The following CTNNA3 variants were observed in gnomAD, a reference collection of about 807,000 sequenced individuals.
CTNNA3 encodes catenin alpha-3.
A neutral mutation model predicts 95.7 loss-of-function variants in CTNNA3; 76 were observed. The ratio of observed to expected loss-of-function variants is 0.79; its 90% CI spans 0.66 to 0.96. CTNNA3 has a LOEUF of 0.96. CTNNA3 is among the 40% of genes least tolerant of loss of function. The probability of loss-of-function intolerance (pLI) is 0.00; values close to 1 mark genes in which losing one functional copy is unlikely to be tolerated. For synonymous variants in CTNNA3, 431 were observed against 374.4 expected (o/e 1.15, Z -1.74); for missense variants, 1,191 against 1,089.8 (o/e 1.09, Z -1.31).
At chr10:66,201,355 T>C (rs1167876068) in intron 13 of CTNNA3, among the ~76,000 whole-genome samples, 2 of 152,204 alleles carry the variant, frequency 1.3e-5, no homozygotes, top group Non-Finnish European at 1.5e-5. Flanking sequence ...CCTTTTTCGG[T>C]TGGTGTTAAT....
chr10:67,297,404 T>G (rs1840087032), intron 5 of CTNNA3, among the ~76,000 whole-genome samples: 1 of 152,204 alleles, frequency 6.6e-6, no homozygotes, highest in South Asian at 2.1e-4. Context: ...TATAGGAAAT[T>G]AACAACTAGA....
chr10:66,309,694 A>G (rs2132254589), intron 12 of CTNNA3, among the ~76,000 whole-genome samples: 1 of 148,066 alleles, frequency 6.8e-6, no homozygotes, highest in East Asian at 2.0e-4. Flanking sequence ...TCAAAAAAAA[A>G]AAAAAAAAAA....
At chr10:66,886,207 CATTTTTCAATA>C (rs1845037054) in intron 7 of CTNNA3, among the ~76,000 whole-genome samples, 1 of 152,100 alleles carries the variant, frequency 6.6e-6, no homozygotes, top group South Asian at 2.1e-4. Flanking sequence ...GCTCTGGAAT[CATTTTTCAATA>C]ACCCTGTGAC....
chr10:66,777,805 A>G (rs1281179815), intron 7 of CTNNA3, among the ~76,000 whole-genome samples: 1 of 150,548 alleles, frequency 6.6e-6, no homozygotes, highest in African/African-American at 2.4e-5. Context: ...ACATGCACAC[A>G]CACACACACA....
intron 3 of CTNNA3, among the ~76,000 whole-genome samples, chr10:67,552,651 C>T (rs568901022): frequency 6.6e-6 from 1 of 152,108 alleles, no homozygotes; most frequent in Admixed American, 6.5e-5. Flanking sequence ...ATCAATTATT[C>T]CTGATGCTCT....
At chr10:66,546,837 C>T (rs1451197414) in intron 10 of CTNNA3, among the ~76,000 whole-genome samples, 1 of 152,112 alleles carries the variant, frequency 6.6e-6, no homozygotes, top group African/African-American at 2.4e-5. Flanking sequence ...CACAGCCAAA[C>T]CATAGTCATG....
At chr10:66,633,949 C>T (rs1313284818) in intron 9 of CTNNA3, among the ~76,000 whole-genome samples, 1 of 151,944 alleles carries the variant, frequency 6.6e-6, no homozygotes, top group Non-Finnish European at 1.5e-5. Flanking sequence ...GTATATGGAA[C>T]ACACCAATGA....
intron 5 of CTNNA3, among the ~76,000 whole-genome samples, chr10:67,486,635 T>C (rs1848460099): frequency 6.6e-6 from 1 of 152,098 alleles, no homozygotes; most frequent in South Asian, 2.1e-4. Context: ...TTACAGGAAA[T>C]AATAAGTAAA....
chr10:66,458,362 T>C (rs1165531544), intron 11 of CTNNA3, among the ~76,000 whole-genome samples: 1 of 152,220 alleles, frequency 6.6e-6, no homozygotes, highest in Non-Finnish European at 1.5e-5. Context: ...TTTCATTTAA[T>C]ATAATTTCTT....
chr10:66,457,546 T>G (rs950364492), intron 11 of CTNNA3, among the ~76,000 whole-genome samples: 1 of 151,742 alleles, frequency 6.6e-6, no homozygotes, highest in African/African-American at 2.4e-5. Flanking sequence ...CAGAAAGATA[T>G]GTACATGAAT....
At chr10:66,355,911 G>T (rs1249962805) in intron 12 of CTNNA3, among the ~76,000 whole-genome samples, 2 of 151,540 alleles carry the variant, frequency 1.3e-5, no homozygotes, top group African/African-American at 4.8e-5. Context: ...TGTCTAAATT[G>T]TTCCAGCACC....
intron 5 of CTNNA3, among the ~76,000 whole-genome samples, chr10:67,502,135 C>G (rs1839252548): frequency 1.3e-5 from 2 of 152,210 alleles, no homozygotes; most frequent in South Asian, 4.1e-4. Context: ...ATGCTGGTGA[C>G]CTTCGGATGG....
chr10:66,958,162 C>G (rs1253855392), intron 7 of CTNNA3, among the ~76,000 whole-genome samples: 6 of 151,954 alleles, frequency 3.9e-5, no homozygotes, highest in Admixed American at 3.9e-4. Context: ...TCTCTAGTAT[C>G]ATTTGTGAAT....
chr10:66,305,560 A>G (rs1378312776), intron 12 of CTNNA3, among the ~76,000 whole-genome samples: 1 of 152,182 alleles, frequency 6.6e-6, no homozygotes, highest in Non-Finnish European at 1.5e-5. Flanking sequence ...AAGTAAACAT[A>G]TATGATTTTA....
At chr10:66,895,054 C>CAAAAAAAAAAAAAAAAAAAAAAAAAAAA (rs537843933) in intron 7 of CTNNA3, among the ~76,000 whole-genome samples, 1 of 115,550 alleles carries the variant, frequency 8.7e-6, no homozygotes, top group Non-Finnish European at 1.7e-5. Context: ...AACAAATAAA[C>CAAAAAAAAAAAAAAAAAAAAAAAAAAAA]AAAAAAAAAA....
chr10:66,874,042 G>A lies in CTNNA3; in HGVS notation c.1048-98518C>T, dbSNP rs77094857. ...GTCTGATGCAGAGACAGTGAGGGAC[G>A]TTTGGGTGGGAGCCTCCTAGAATTC... On this transcript the variant is annotated intron_variant, in intron 7 of 17. Coordinates refer to ENST00000433211, the MANE Select transcript of CTNNA3 (RefSeq NM_013266.4). Among the ~76,000 whole-genome samples, 123 of 152,214 alleles carry A rather than the reference G, an allele frequency of 8.1e-4. 1 individual carries two copies. The highest frequency in any genetic ancestry group is 2.8e-3 in the African/African-American group (117 of 41,540).
chr10:67,442,894 A>ACCATGC (rs1402042461), intron 5 of CTNNA3, among the ~76,000 whole-genome samples: 2 of 149,906 alleles, frequency 1.3e-5, no homozygotes, highest in Admixed American at 6.6e-5. Flanking sequence ...TGCTGCACCC[A>ACCATGC]TTAACTTGTC....
intron 5 of CTNNA3, among the ~76,000 whole-genome samples, chr10:67,260,504 C>T (rs1866554856): frequency 6.6e-6 from 1 of 152,120 alleles, no homozygotes; most frequent in African/African-American, 2.4e-5. Flanking sequence ...CAGGAAGTCT[C>T]CTCACTCCAA....
intron 11 of CTNNA3, among the ~76,000 whole-genome samples, chr10:66,450,515 T>C (rs2093456556): frequency 6.6e-6 from 1 of 152,100 alleles, no homozygotes; most frequent in Admixed American, 6.6e-5. Context: ...AACGTTGTAT[T>C]CATTTCACAG....
Sources: gnomAD v4.1 joint callset for allele counts (sites outside exome capture counted in the v4.1 genomes callset) on GRCh38, gnomAD v4.1.1 for gene constraint, MANE v1.5 for transcripts, NCBI Gene and HGNC (gene_info 2026-07-23, HGNC 2026-07-21) for gene names.